Variants in UNKL observed in about 807,000 individuals in gnomAD.
UNKL encodes putative E3 ubiquitin-protein ligase UNKL.
UNKL carries 60 observed loss-of-function variants against 78.0 expected under a neutral mutation model. That is an observed-to-expected ratio of 0.77 (90% CI 0.63 to 0.95). UNKL has a LOEUF of 0.95. UNKL is among the 40% of genes least tolerant of loss of function. The pLI, the probability that UNKL is intolerant of heterozygous loss-of-function variation, is 0.00. For missense variants in UNKL, 1,159 were observed against 1,045.7 expected (o/e 1.11, Z -1.49); for synonymous variants, 608 against 474.8 (o/e 1.28, Z -3.65).
At chr16:1,390,929 C>G (rs934547439) in intron 8 of UNKL, among the ~76,000 whole-genome samples, 1 of 152,088 alleles carries the variant, frequency 6.6e-6, no homozygotes, top group African/African-American at 2.4e-5. Context: ...CCTCGAGAGG[C>G]TGAGGCAAGA....
chr16:1,378,983 G>C (rs1181905923), intron 10 of UNKL: 2 of 152,276 alleles, frequency 1.3e-5, no homozygotes, highest in African/African-American at 2.4e-5. Context: ...CTTGTGCAGA[G>C]GCAAAATCTA....
rs2036862678 is a variant in UNKL, at chr16:1,387,516, C to T, written c.1087-2131G>A. Among the ~76,000 whole-genome samples, 1 of 152,164 alleles carries T rather than the reference C, an allele frequency of 6.6e-6. No homozygotes were observed. Among genetic ancestry groups the T allele is most frequent in the Non-Finnish European group, 1.5e-5 (1 of 68,018 alleles). On this transcript the variant is annotated intron_variant, in intron 9 of 14. Transcript: ENST00000389221. The surrounding 1 kb of genome is among the most constrained non-coding windows in gnomAD (Gnocchi z 4.1). ...ACGCACACCTGGGAGCTCCTTGTAC[C>T]CCGATGGCTTGGATCGGGGAGGGAG...
At chr16:1,373,789 C>T (rs1208954639) in intron 10 of UNKL, among the ~76,000 whole-genome samples, 4 of 2,124 alleles carry the variant, frequency 1.9e-3, no homozygotes, top group Non-Finnish European at 2.0e-3. Context: ...CGGCCTACAC[C>T]GCACAGAGAC....
rs2035241553 is a variant in UNKL, at chr16:1,366,260, C to T, written c.2182G>A (p.Gly728Ser). The change falls in exon 15 of 15, where the codon GGC becomes AGC. Residue 728 changes from glycine to serine, a missense_variant. By Grantham distance (56) the Gly-to-Ser change is moderately conservative. Coordinates refer to ENST00000389221, the MANE Select transcript of UNKL (RefSeq NM_001372107.1). ...TGAGGTCACCACTGCAGGGGCTGGCCCTTGCAGTAGGGGCACTCAGGTGCG... is the reference window on the plus strand; with the variant it reads ...TGAGGTCACCACTGCAGGGGCTGGCTCTTGCAGTAGGGGCACTCAGGTGCG... ...ATAPECPYCK[G>S]QPLQW 3 of 1,583,398 alleles carry T rather than the reference C, an allele frequency of 1.9e-6. No homozygotes were observed. The African/African-American group carries it at 4.0e-5, about 21-fold the overall frequency.
chr16:1,404,445 G>C (rs1420864926), intron 2 of UNKL, among the ~76,000 whole-genome samples: 1 of 152,326 alleles, frequency 6.6e-6, no homozygotes, highest in South Asian at 2.1e-4. Flanking sequence ...AGTTCAGAGA[G>C]GCCGACCCAG....
chr16:1,414,199 C>A, intron 1 of UNKL, 144 bp from the exon 2 acceptor site: 4 of 815,824 alleles, frequency 4.9e-6, no homozygotes, highest in Non-Finnish European at 7.5e-6. Flanking sequence ...AGGCGCTGCG[C>A]CCACCCCCAT....
chr16:1,367,893 G>C, intron 12 of UNKL, 35 bp from the exon 13 acceptor site: 1 of 1,517,578 alleles, frequency 6.6e-7, no homozygotes, highest in South Asian at 1.3e-5. Flanking sequence ...GCCCAGCCCT[G>C]CTGTGCTCGC....
chr16:1,367,747 T>G lies in UNKL; in HGVS notation c.1697A>C (p.Asn566Thr). 3.2e-6 allele frequency: 5 copies of G among 1,576,464 alleles called. No individual in the cohort carries two copies. Among genetic ancestry groups the G allele is most frequent in the Non-Finnish European group, 4.3e-6 (5 of 1,161,914 alleles). Residue 566 changes from asparagine (N) to threonine (T), a missense_variant, in exon 13 of 15, where the codon AAC becomes ACC. Coordinates refer to ENST00000389221, the MANE Select transcript of UNKL (RefSeq NM_001372107.1). The part of the protein sequence containing the change: ...GPPSSSSASP[N>T]GAELARVRRQ... ...CCTGACCCGGGCCAGCTCAGCTCCGTTTGGACTTGCACTCGAAGAGGATGG... is the reference window on the plus strand; with the variant it reads ...CCTGACCCGGGCCAGCTCAGCTCCGGTTGGACTTGCACTCGAAGAGGATGG...
chr16:1,388,043 G>A (rs1222528607), intron 9 of UNKL, among the ~76,000 whole-genome samples: 1 of 152,144 alleles, frequency 6.6e-6, no homozygotes, highest in Non-Finnish European at 1.5e-5. Flanking sequence ...CAACTCCAGA[G>A]CATCACCCAG....
chr16:1,389,455 G>A (rs1046466580), intron 9 of UNKL, among the ~76,000 whole-genome samples: 1 of 152,134 alleles, frequency 6.6e-6, no homozygotes, highest in African/African-American at 2.4e-5. Context: ...TATGCCTGGG[G>A]TCCCAGCAAC....
intron 10 of UNKL, among the ~76,000 whole-genome samples, chr16:1,383,065 CT>C (rs2036662804): frequency 6.8e-6 from 1 of 146,400 alleles, no homozygotes; most frequent in Non-Finnish European, 1.5e-5. Context: ...CAAGACCAGG[CT>C]GGCCAATATG....
intron 10 of UNKL, among the ~76,000 whole-genome samples, chr16:1,375,300 G>C (rs1340843234): frequency 6.6e-6 from 1 of 152,238 alleles, no homozygotes; most frequent in African/African-American, 2.4e-5. Context: ...CCACCACCCA[G>C]AGCGGCAGGC....
chr16:1,405,176 C>A (rs1299858326), intron 2 of UNKL, among the ~76,000 whole-genome samples: 3 of 120,728 alleles, frequency 2.5e-5, no homozygotes, highest in African/African-American at 6.4e-5. Context: ...GCATGGGCAA[C>A]AGAGCAAGAC....
At chr16:1,401,522 T>TGGGGGGGGGGG in intron 4 of UNKL, 46 bp downstream of exon 4, 1 of 1,467,588 alleles carries the variant, frequency 6.8e-7, no homozygotes. Context: ...TCTCGCGCTG[T>TGGGGGGGGGGG]GCCCGCCCCC....
rs139357830 is a variant in UNKL at position 1,366,953 on chromosome 16, C to T, written c.2046+139G>A. ...AGGGGGCTGTGCTGGGGTGGGGCAC[C>T]GTCTCCTCCTCCCTAGGCCCGGAGC... On this transcript the variant is annotated intron_variant, in intron 14 of 14. Coordinates refer to ENST00000389221, the MANE Select transcript of UNKL (RefSeq NM_001372107.1). 1.8e-4 allele frequency: 256 copies of T among 1,408,984 alleles called. No individual in the cohort carries two copies. The African/African-American group carries it at 3.3e-3, about 18-fold the overall frequency. The allele number at this position is 1,408,984 out of a possible 1,614,324, so 87.3% of individuals were successfully genotyped here. A position where few individuals can be genotyped will look rare whatever the true frequency, so the allele number is the denominator to read the frequency against.
intron 12 of UNKL, chr16:1,368,062 TGCCC>T: frequency 1.7e-6 from 1 of 595,104 alleles, no homozygotes; most frequent in Non-Finnish European, 3.0e-6. Flanking sequence ...CAGTGACACC[TGCCC>T]CGGCCGGTCT....
intron 2 of UNKL, among the ~76,000 whole-genome samples, chr16:1,411,365 TAAATA>T (rs1235101800): frequency 1.3e-5 from 2 of 149,134 alleles, no homozygotes; most frequent in Non-Finnish European, 3.0e-5. Flanking sequence ...AACAAAATAA[TAAATA>T]AAATAAAATA....
chr16:1,367,194 T>C lies in UNKL; in HGVS notation c.1944A>G (p.Thr648=), dbSNP rs771543240. The C allele has an allele frequency of 6.2e-7, 1 of 1,605,940 alleles. No homozygotes were observed. The highest frequency in any genetic ancestry group is 8.5e-7 in the Non-Finnish European group (1 of 1,178,306). The change falls in exon 14 of 15, where the codon ACA becomes ACG. Residue 648 remains threonine (T), a synonymous_variant. Coordinates refer to ENST00000389221, the MANE Select transcript of UNKL (RefSeq NM_001372107.1). ...EELEGLGVAS[T]LPGLRGCGDI... Reference sequence around the variant, plus strand: ...CCCCACAGCCCCGCAGCCCCGGCAGTGTGGAGGCTACGCCCAGGCCCTCCA... The same window carrying C: ...CCCCACAGCCCCGCAGCCCCGGCAGCGTGGAGGCTACGCCCAGGCCCTCCA...
intron 2 of UNKL, chr16:1,408,779 G>C (rs1327117356): frequency 6.6e-6 from 1 of 152,596 alleles, no homozygotes; most frequent in Non-Finnish European, 1.5e-5. Context: ...TGGGGTCCCA[G>C]TCCTGCTCTG....
Sources: gnomAD v4.1 joint callset for allele counts (sites outside exome capture counted in the v4.1 genomes callset) on GRCh38, gnomAD v4.1.1 for gene constraint, Gnocchi (gnomAD v3.1) non-coding constraint, MANE v1.5 for transcripts, NCBI Gene and HGNC (gene_info 2026-07-23, HGNC 2026-07-21) for gene names.